The following SRGAP3 variants were observed in gnomAD, a reference collection of about 807,000 sequenced individuals.
SRGAP3 encodes the protein SLIT-ROBO Rho GTPase activating protein 3.
SRGAP3 carries 39 observed loss-of-function variants against 121.1 expected under a neutral mutation model. The observed-to-expected ratio is 0.32, with a 90% CI of 0.25 to 0.42. SRGAP3 has a LOEUF of 0.42. Ranked by LOEUF, SRGAP3 falls within the 10% of genes least tolerant of loss-of-function variation. The pLI is 1.00. For missense variants in SRGAP3, 1,213 were observed against 1,470.6 expected (o/e 0.82, Z 2.86); for synonymous variants, 601 against 570.0 (o/e 1.05, Z -0.77).
At chr3:9,083,475 G>A (rs1034664683) in intron 3 of SRGAP3, among the ~76,000 whole-genome samples, 3 of 152,152 alleles carry the variant, frequency 2.0e-5, no homozygotes, top group Admixed American at 2.0e-4. Context: ...TAACACAAAT[G>A]GGAGCATATC....
chr3:9,069,067 G>A (rs1946557087), intron 4 of SRGAP3, among the ~76,000 whole-genome samples: 1 of 152,212 alleles, frequency 6.6e-6, no homozygotes, highest in African/African-American at 2.4e-5. Flanking sequence ...GCTGGTAAGT[G>A]GAGTCAGGGT....
intron 1 of SRGAP3, chr3:9,217,358 A>G (rs1200547408): frequency 6.6e-6 from 1 of 152,176 alleles, no homozygotes; most frequent in Non-Finnish European, 1.5e-5. Context: ...ATCCTGTGCC[A>G]CAGGGGCCTC....
At chr3:9,017,831 A>C (rs1020231424) in intron 14 of SRGAP3, among the ~76,000 whole-genome samples, 35 of 152,204 alleles carry the variant, frequency 2.3e-4, no homozygotes, top group Admixed American at 2.2e-3. Context: ...CATCACCTTG[A>C]ATATCTGTCA....
chr3:9,215,793 C>A (rs1298750561), intron 1 of SRGAP3, among the ~76,000 whole-genome samples: 1 of 152,226 alleles, frequency 6.6e-6, no homozygotes, highest in Admixed American at 6.5e-5. Flanking sequence ...AGGACTTGAA[C>A]CAGCGGCCTC....
At chr3:9,353,368 G>A (rs1271207415) in intron 1 of SRGAP3, among the ~76,000 whole-genome samples, 1 of 152,238 alleles carries the variant, frequency 6.6e-6, no homozygotes, top group East Asian at 1.9e-4. Context: ...TGGCAGGGGT[G>A]CTGCATTCCC....
Position 9,239,339 on chromosome 3 carries a change from C to G in SRGAP3, c.67+9546G>C, listed in dbSNP as rs1284263001. Among the ~76,000 whole-genome samples the G allele has an allele frequency of 6.6e-6, 1 of 152,090 alleles. No homozygotes were observed. Among genetic ancestry groups the G allele is most frequent in the Non-Finnish European group, 1.5e-5 (1 of 68,016 alleles). ...AGGTTGCAGTGAGCCAAGGTTGCAC[C>G]ACTGCATTCCAGTCTGGGCAACAGA... On this transcript the variant is annotated intron_variant, in intron 1 of 21. Coordinates refer to ENST00000383836, the MANE Select transcript of SRGAP3 (RefSeq NM_014850.4). This position sits in a 1 kb window ranked among gnomAD's most constrained non-coding sequence, Gnocchi z 4.0.
At chr3:9,241,195 G>T (rs188101027) in intron 1 of SRGAP3, among the ~76,000 whole-genome samples, 1 of 151,990 alleles carries the variant, frequency 6.6e-6, no homozygotes, top group East Asian at 1.9e-4. Context: ...GAGTTACAGG[G>T]ATCACAAAAT....
At chr3:9,035,220 G>C (rs1362993279) in intron 11 of SRGAP3, 1 of 152,762 alleles carries the variant, frequency 6.5e-6, no homozygotes, top group Non-Finnish European at 1.5e-5. Context: ...CTAAAAGCAG[G>C]TGTTGGACAC....
intron 3 of SRGAP3, among the ~76,000 whole-genome samples, chr3:9,255,033 GAAGA>G (rs1222236546): frequency 9.8e-6 from 1 of 102,444 alleles, no homozygotes; most frequent in Non-Finnish European, 2.3e-5. Context: ...AGAAAGAAAG[GAAGA>G]AAGAAAGGTA....
At chr3:9,118,826 T>A (rs1948899692) in intron 2 of SRGAP3, among the ~76,000 whole-genome samples, 1 of 152,050 alleles carries the variant, frequency 6.6e-6, no homozygotes, top group Admixed American at 6.6e-5. Flanking sequence ...CAGTCCACAC[T>A]CTGTCCTTTC....
At chr3:9,132,629 A>G (rs1463505824) in intron 1 of SRGAP3, among the ~76,000 whole-genome samples, 1 of 152,176 alleles carries the variant, frequency 6.6e-6, no homozygotes, top group Non-Finnish European at 1.5e-5. Flanking sequence ...TGTGCTACGG[A>G]ATAATGTTGA....
chr3:9,275,418 A>G (rs975121342), intron 3 of SRGAP3, among the ~76,000 whole-genome samples: 3 of 152,100 alleles, frequency 2.0e-5, no homozygotes, highest in Non-Finnish European at 4.4e-5. Flanking sequence ...CTGCTCTTCA[A>G]ACCTAATGCT....
At chr3:9,209,795 G>C (rs1378008472) in intron 1 of SRGAP3, among the ~76,000 whole-genome samples, 3 of 152,120 alleles carry the variant, frequency 2.0e-5, no homozygotes, top group Non-Finnish European at 4.4e-5. Flanking sequence ...CTGTAGCTAG[G>C]CACTCAAAAA....
chr3:9,092,094 G>A (rs552870256), intron 3 of SRGAP3, among the ~76,000 whole-genome samples: 2 of 152,224 alleles, frequency 1.3e-5, no homozygotes, highest in South Asian at 4.2e-4. Flanking sequence ...CACGGAGGCA[G>A]TGAGTCTAGC....
At chr3:9,063,291 C>A (rs1309085587) in intron 5 of SRGAP3, among the ~76,000 whole-genome samples, 3 of 151,628 alleles carry the variant, frequency 2.0e-5, no homozygotes, top group African/African-American at 4.8e-5. Flanking sequence ...ACCACACCTG[C>A]CTAATTTTTC....
intron 2 of SRGAP3, among the ~76,000 whole-genome samples, chr3:9,120,595 G>A (rs191366286): frequency 8.3e-4 from 127 of 152,328 alleles, no homozygotes; most frequent in African/African-American, 3.0e-3. Flanking sequence ...TTTCATGCTC[G>A]ACAGCTCATT....
intron 8 of SRGAP3, among the ~76,000 whole-genome samples, chr3:9,055,579 A>G (rs1432280429): frequency 1.3e-5 from 2 of 152,244 alleles, no homozygotes; most frequent in Non-Finnish European, 2.9e-5. Flanking sequence ...GGGCCTGGTA[A>G]GGCTGACCTG....
intron 1 of SRGAP3, among the ~76,000 whole-genome samples, chr3:9,240,730 T>G (rs1031989263): frequency 1.3e-5 from 2 of 152,228 alleles, no homozygotes; most frequent in African/African-American, 2.4e-5. Context: ...AGAGTTGGAC[T>G]AGAAGACACC....
At chr3:9,050,691 A>T (rs60577725) in intron 9 of SRGAP3, among the ~76,000 whole-genome samples, 13,490 of 152,236 alleles carry the variant, frequency 0.089, 2,018 homozygotes, top group African/African-American at 0.31. Context: ...CCCTTCTTGA[A>T]TTCTGTTCCC....
Sources: gnomAD v4.1 joint callset for allele counts (sites outside exome capture counted in the v4.1 genomes callset) on GRCh38, gnomAD v4.1.1 for gene constraint, Gnocchi (gnomAD v3.1) non-coding constraint, MANE v1.5 for transcripts, NCBI Gene and HGNC (gene_info 2026-07-23, HGNC 2026-07-21) for gene names.